The following EBF2 variants were observed in gnomAD, a reference collection of about 807,000 sequenced individuals.
The protein encoded by EBF2 is EBF transcription factor 2, also known as transcription factor COE2.
Under a neutral mutation model 72.8 loss-of-function variants are expected in EBF2, and 21 were observed. That is an observed-to-expected ratio of 0.29 (90% CI 0.20 to 0.42). EBF2 has a LOEUF of 0.42. EBF2 is among the 10% of genes least tolerant of loss of function. The pLI is 1.00. For synonymous variants in EBF2, 299 were observed against 274.2 expected (o/e 1.09, Z -0.89); for missense variants, 637 against 731.2 (o/e 0.87, Z 1.49).
intron 6 of EBF2, among the ~76,000 whole-genome samples, chr8:25,991,336 TCA>T (rs1804542155): frequency 6.6e-6 from 1 of 152,152 alleles, no homozygotes; most frequent in Non-Finnish European, 1.5e-5. Context: ...ACAATAAGCC[TCA>T]CAGAGAGAAG....
At chr8:26,009,397 A>T (rs904933415) in intron 6 of EBF2, among the ~76,000 whole-genome samples, 3 of 152,242 alleles carry the variant, frequency 2.0e-5, no homozygotes, top group African/African-American at 7.2e-5. Flanking sequence ...CACAAGTCAG[A>T]TCACACATCA....
chr8:25,953,647 C>T (rs533605881), intron 6 of EBF2, among the ~76,000 whole-genome samples: 3 of 152,280 alleles, frequency 2.0e-5, no homozygotes, highest in South Asian at 2.1e-4. Flanking sequence ...GACAGTGTCA[C>T]CTAAGACACT....
Position 25,953,112 on chromosome 8 carries a change from C to A in EBF2, c.552-44557G>T, listed in dbSNP as rs552693896. The stretch of plus-strand genomic sequence containing the variant: ...GCTCTAACACAGCCTGGAGTAGGGG[C>A]CCCTGTTCTGTGCCTCCATGAGACC... On this transcript the variant is annotated intron_variant, in intron 6 of 15. Transcript: ENST00000520164. Among the ~76,000 whole-genome samples, 214 of 152,302 alleles carry A rather than the reference C, an allele frequency of 1.4e-3. 1 individual carries two copies. The highest frequency in any genetic ancestry group is 2.6e-3 in the Non-Finnish European group (178 of 68,032).
chr8:25,943,135 C>T (rs1284019499), intron 6 of EBF2, among the ~76,000 whole-genome samples: 1 of 151,862 alleles, frequency 6.6e-6, no homozygotes, highest in Non-Finnish European at 1.5e-5. Flanking sequence ...AATTGTTAAA[C>T]TAGAAGAAAC....
chr8:26,027,267 C>T (rs928835825), intron 6 of EBF2, among the ~76,000 whole-genome samples: 2 of 152,060 alleles, frequency 1.3e-5, no homozygotes, highest in African/African-American at 2.4e-5. Flanking sequence ...ACAAGTACGG[C>T]CCAGGGGAAA....
chr8:26,037,213 A>C (rs1805517890), intron 5 of EBF2, among the ~76,000 whole-genome samples: 1 of 152,170 alleles, frequency 6.6e-6, no homozygotes, highest in Non-Finnish European at 1.5e-5. Context: ...CTCTTATCAC[A>C]ATCCTGAATC....
intron 6 of EBF2, among the ~76,000 whole-genome samples, chr8:26,029,370 AGAG>A (rs1437689161): frequency 6.6e-6 from 1 of 152,224 alleles, no homozygotes; most frequent in African/African-American, 2.4e-5. Context: ...GGCATTTCTG[AGAG>A]GAGATGTTTT....
At chr8:26,016,885 A>G (rs1231530901) in intron 6 of EBF2, among the ~76,000 whole-genome samples, 1 of 152,232 alleles carries the variant, frequency 6.6e-6, no homozygotes, top group Non-Finnish European at 1.5e-5. Context: ...GTCATGTGGG[A>G]TCACCATTCA....
intron 6 of EBF2, among the ~76,000 whole-genome samples, chr8:25,911,452 A>C (rs1261827585): frequency 3.3e-5 from 5 of 152,148 alleles, no homozygotes; most frequent in Non-Finnish European, 7.3e-5. Flanking sequence ...TGGCAACTCA[A>C]ACCTTCAGAT....
chr8:25,944,702 G>T, intron 6 of EBF2, among the ~76,000 whole-genome samples: 2 of 145,786 alleles, frequency 1.4e-5, no homozygotes, highest in African/African-American at 5.0e-5. Context: ...ATTATATTAT[G>T]TATAATTATA....
At chr8:26,001,859 A>G (rs1259051010) in intron 6 of EBF2, among the ~76,000 whole-genome samples, 1 of 152,042 alleles carries the variant, frequency 6.6e-6, no homozygotes, top group Non-Finnish European at 1.5e-5. Flanking sequence ...CTGCATTTTT[A>G]AAAGAACTGC....
intron 7 of EBF2, among the ~76,000 whole-genome samples, chr8:25,904,843 A>C (rs1019736100): frequency 6.6e-6 from 1 of 152,216 alleles, no homozygotes; most frequent in African/African-American, 2.4e-5. Flanking sequence ...GTAGAATCTA[A>C]GTACAGTATA....
chr8:25,923,054 C>G (rs1007399234), intron 6 of EBF2, among the ~76,000 whole-genome samples: 1 of 152,140 alleles, frequency 6.6e-6, no homozygotes. Flanking sequence ...GTTCTGCTTT[C>G]TCAGGGAGTT....
At chr8:25,910,070 G>T (rs1803101701) in intron 6 of EBF2, among the ~76,000 whole-genome samples, 1 of 152,160 alleles carries the variant, frequency 6.6e-6, no homozygotes, top group South Asian at 2.1e-4. Context: ...AATGTTGTGC[G>T]TGGCTGTCCG....
In EBF2 at chr8:26,044,010, T is replaced by C. The variant is rs1003184886; in HGVS notation, c.131+719A>G. ...GCGATCCCTGAGCCAGTCTAGCTGC[T>C]GGTGGCCTTTTCTCGCCTCTTTCTT... On this transcript the variant is annotated intron_variant, in intron 1 of 15. Transcript: ENST00000520164. The surrounding 1 kb of genome is among the most constrained non-coding windows in gnomAD (Gnocchi z 4.1). 1.3e-5 allele frequency among the ~76,000 whole-genome samples: 2 copies of C among 152,260 alleles called. No homozygotes were observed. Among genetic ancestry groups the C allele is most frequent in the African/African-American group, 4.8e-5 (2 of 41,474 alleles).
Position 25,858,486 on chromosome 8 carries a change from C to G in EBF2, c.1361G>C (p.Ser454Thr), listed in dbSNP as rs370954239. 6.2e-7 allele frequency: 1 copy of G among 1,613,770 alleles called. No individual in the cohort carries two copies. Among genetic ancestry groups the G allele is most frequent in the Non-Finnish European group, 8.5e-7 (1 of 1,179,938 alleles). ...AGAGTATCCCCGCGGAGAGATGCTG[C>G]TTGTGTTGCGGATGTACCCTTGGCA... ...GNNQGYIRNT[S>T]SISPRGYSSS... Residue 454 changes from serine to threonine, a missense_variant, in exon 14 of 16, where the codon AGC becomes ACC. Transcript: ENST00000520164.
chr8:26,044,175 G>T lies in EBF2; in HGVS notation c.131+554C>A, dbSNP rs1805659800. ...CCTCCAGCCTGTCCCCCCTCCCAGA[G>T]CTCCCGGCCGCCTCGTCTTCCCGGG... On this transcript the variant is annotated intron_variant, in intron 1 of 15. Transcript: ENST00000520164. The surrounding 1 kb of genome is among the most constrained non-coding windows in gnomAD (Gnocchi z 4.1). Among the ~76,000 whole-genome samples the T allele has an allele frequency of 6.6e-6, 1 of 152,164 alleles. No homozygotes were observed. Among genetic ancestry groups the T allele is most frequent in the Non-Finnish European group, 1.5e-5 (1 of 68,026 alleles).
intron 10 of EBF2, among the ~76,000 whole-genome samples, chr8:25,866,734 C>T (rs7827484): frequency 0.11 from 16,898 of 148,332 alleles, 1,052 homozygotes; most frequent in Middle Eastern, 0.17. Flanking sequence ...CAGGTTCAAG[C>T]GATTCTCCTG....
At chr8:25,966,268 T>G (rs183684955) in intron 6 of EBF2, among the ~76,000 whole-genome samples, 1 of 152,320 alleles carries the variant, frequency 6.6e-6, no homozygotes, top group Non-Finnish European at 1.5e-5. Flanking sequence ...CCTGGCAATT[T>G]AAGAACAGGT....
Sources: allele counts gnomAD v4.1 joint callset (sites outside exome capture counted in the v4.1 genomes callset), GRCh38; gene constraint gnomAD v4.1.1; non-coding constraint Gnocchi (gnomAD v3.1); transcripts MANE v1.5; gene names NCBI Gene and HGNC (gene_info 2026-07-23, HGNC 2026-07-21).